RNF17: variants seen among roughly 807,000 people sequenced by gnomAD.
The protein encoded by RNF17 is spermatogenesis associated 23.
Under a neutral mutation model 200.5 loss-of-function variants are expected in RNF17, and 31 were observed. The observed-to-expected ratio is 0.15, with a 90% confidence interval of 0.12 to 0.21. The LOEUF (loss-of-function observed/expected upper bound fraction) is 0.21, where lower values mean the gene tolerates loss of function less well. RNF17 is among the 10% of genes least tolerant of loss of function. The pLI, the probability that RNF17 is intolerant of heterozygous loss-of-function variation, is 1.00. For synonymous variants in RNF17, 606 were observed against 637.8 expected (o/e 0.95, Z 0.75); for missense variants, 1,628 against 1,905.1 (o/e 0.85, Z 2.71).
At chr13:24,854,975 A>C (rs150972727) in intron 25 of RNF17, among the ~76,000 whole-genome samples, 1 of 152,164 alleles carries the variant, frequency 6.6e-6, no homozygotes, top group Admixed American at 6.5e-5. Flanking sequence ...CACCCCAGAT[A>C]CAGCCACTTT....
intron 16 of RNF17, 42 bp from the exon 17 acceptor site, chr13:24,830,442 C>T (rs1338811959): frequency 3.2e-6 from 4 of 1,244,066 alleles, no homozygotes; most frequent in Admixed American, 2.0e-5. Flanking sequence ...CTAGATAATT[C>T]TGTTTCCAAG....
At chr13:24,809,899 C>T (rs1886382982) in intron 15 of RNF17, among the ~76,000 whole-genome samples, 1 of 151,898 alleles carries the variant, frequency 6.6e-6, no homozygotes, top group Non-Finnish European at 1.5e-5. Context: ...TCGTTATGTA[C>T]CCAGTAGTCA....
At chr13:24,871,530 G>A (rs999296927) in intron 32 of RNF17, among the ~76,000 whole-genome samples, 10 of 151,646 alleles carry the variant, frequency 6.6e-5, no homozygotes, top group Non-Finnish European at 1.3e-4. Flanking sequence ...TAGAGATGGG[G>A]TTTCCCCATG....
chr13:24,818,923 G>A (rs1887713988), intron 15 of RNF17, among the ~76,000 whole-genome samples: 1 of 151,892 alleles, frequency 6.6e-6, no homozygotes, highest in Non-Finnish European at 1.5e-5. Context: ...GCCATTTGCT[G>A]TTTTCTGTAT....
At chr13:24,843,083 C>A (rs908409411) in intron 19 of RNF17, among the ~76,000 whole-genome samples, 2 of 152,086 alleles carry the variant, frequency 1.3e-5, no homozygotes, top group East Asian at 3.8e-4. Flanking sequence ...CCCATAGAGG[C>A]CTGCAGTGAC....
At chr13:24,858,152 T>C (rs1188715920) in intron 25 of RNF17, among the ~76,000 whole-genome samples, 1 of 152,186 alleles carries the variant, frequency 6.6e-6, no homozygotes, top group African/African-American at 2.4e-5. Context: ...ATGGTAGCTA[T>C]GAATTTACTG....
At chr13:24,842,267 CTG>C (rs1186363924) in intron 19 of RNF17, 106 bp downstream of exon 19, 5 of 949,138 alleles carry the variant, frequency 5.3e-6, no homozygotes, top group African/African-American at 3.4e-5. Flanking sequence ...TGAGCTTAGA[CTG>C]TAGACCTGAG....
intron 15 of RNF17, among the ~76,000 whole-genome samples, chr13:24,813,747 A>T (rs923035277): frequency 2.0e-5 from 3 of 148,550 alleles, no homozygotes; most frequent in African/African-American, 7.5e-5. Context: ...TTCCTGTCTC[A>T]GCCTCCCAAG....
At chr13:24,774,785 G>GT in intron 2 of RNF17, 28 bp from the exon 3 acceptor site, 2 of 1,467,296 alleles carry the variant, frequency 1.4e-6, no homozygotes, top group Non-Finnish European at 1.9e-6. Flanking sequence ...GGGTGACTTT[G>GT]TTTTTTTAAA....
the RNF17 span, among the ~76,000 whole-genome samples, chr13:24,754,030 T>C: frequency 1.3e-5 from 2 of 151,896 alleles, no homozygotes; most frequent in Non-Finnish European, 2.9e-5. Context: ...TCGTGATGGG[T>C]GCCTGTAATC....
chr13:24,834,558 C>T (rs765069007), intron 18 of RNF17, among the ~76,000 whole-genome samples: 1 of 152,204 alleles, frequency 6.6e-6, no homozygotes, highest in Non-Finnish European at 1.5e-5. Flanking sequence ...CTCCTGAAAA[C>T]ACACTTCCAC....
chr13:24,874,373 T>G (rs1305820423), intron 33 of RNF17, 124 bp downstream of exon 33: 2 of 783,538 alleles, frequency 2.6e-6, no homozygotes, highest in Admixed American at 3.9e-5. Context: ...AAATTAGGAA[T>G]TTTTTTCGTG....
chr13:24,770,146 T>A (rs1880452217), intron 2 of RNF17, among the ~76,000 whole-genome samples: 1 of 152,112 alleles, frequency 6.6e-6, no homozygotes, highest in South Asian at 2.1e-4. Flanking sequence ...ATATAAAAAT[T>A]AGAAATGTAA....
At chr13:24,856,910 A>G (rs1490942010) in intron 25 of RNF17, among the ~76,000 whole-genome samples, 2 of 152,058 alleles carry the variant, frequency 1.3e-5, no homozygotes, top group African/African-American at 4.8e-5. Context: ...TCTGTGGGAG[A>G]CACTGTGTTC....
At chr13:24,881,467 G>GT (rs909584746), downstream of RNF17, among the ~76,000 whole-genome samples, 1 of 151,824 alleles carries the variant, frequency 6.6e-6, no homozygotes, top group Non-Finnish European at 1.5e-5. Flanking sequence ...TAAGGTTTGT[G>GT]TTTTTTGTCT....
Position 24,874,196 on chromosome 13 carries a change from T to C in RNF17, c.4530T>C (p.Ser1510=). Residue 1510 remains serine, a synonymous_variant, in exon 33 of 36, where the codon TCT becomes TCC. Coordinates refer to ENST00000255324, the MANE Select transcript of RNF17 (RefSeq NM_031277.3). ...CCATTAAAGAATTTAATCCTTTATCTATCTTAGTACAATTTGTTGATTATG... is the reference window on the plus strand; with the variant it reads ...CCATTAAAGAATTTAATCCTTTATCCATCTTAGTACAATTTGTTGATTATG... ...IVAIKEFNPL[S]ILVQFVDYGS... is the part of the protein sequence containing the mutation. The C allele has an allele frequency of 6.2e-7, 1 of 1,610,982 alleles. No individual in the cohort carries two copies. The highest frequency in any genetic ancestry group is 1.7e-5 in the Admixed American group (1 of 59,668).
chr13:24,839,197 C>T (rs189619155), intron 18 of RNF17, among the ~76,000 whole-genome samples: 3 of 152,158 alleles, frequency 2.0e-5, no homozygotes, highest in Admixed American at 6.5e-5. Flanking sequence ...GAAACACATC[C>T]CATGGATGTG....
chr13:24,857,629 C>T (rs1467939941), intron 25 of RNF17, among the ~76,000 whole-genome samples: 1 of 152,186 alleles, frequency 6.6e-6, no homozygotes, highest in East Asian at 1.9e-4. Context: ...AGGCTGGGTG[C>T]GGTGGCTTAC....
rs9511447 is a variant in RNF17 at position 24,792,297 on chromosome 13, A to G, written c.936-745A>G. Among the ~76,000 whole-genome samples the G allele has an allele frequency of 2.0e-3, 311 of 152,282 alleles. 1 individual carries two copies. The highest frequency in any genetic ancestry group is 3.5e-3 in the Non-Finnish European group (238 of 68,010). On this transcript the variant is annotated intron_variant, in intron 9 of 35. Transcript: ENST00000255324. Reference sequence around the variant, plus strand: ...GAAAGTATTAGTATAACCTGCATGTACTGATTACAAATGGTAGTTAAACCA... The same window carrying G: ...GAAAGTATTAGTATAACCTGCATGTGCTGATTACAAATGGTAGTTAAACCA...
Sources: gnomAD v4.1 joint callset for allele counts (sites outside exome capture counted in the v4.1 genomes callset) on GRCh38, gnomAD v4.1.1 for gene constraint, MANE v1.5 for transcripts, NCBI Gene and HGNC (gene_info 2026-07-23, HGNC 2026-07-21) for gene names.